PPP2R5D: variants seen among roughly 807,000 people sequenced by gnomAD.
PPP2R5D encodes the protein protein phosphatase 2 regulatory subunit B'delta.
In PPP2R5D, 12 loss-of-function variants were observed where a neutral mutation model predicts 79.1. That is an observed-to-expected ratio of 0.15 (90% CI 0.10 to 0.25). PPP2R5D has a LOEUF of 0.25. Ranked by LOEUF, PPP2R5D falls within the 10% of genes least tolerant of loss-of-function variation. The pLI, the probability that PPP2R5D is intolerant of heterozygous loss-of-function variation, is 1.00. For missense variants in PPP2R5D, 419 were observed against 760.2 expected (o/e 0.55, Z 5.28); for synonymous variants, 277 against 286.6 (o/e 0.97, Z 0.34).
chr6:43,004,051 C>G (rs559489632), intron 2 of PPP2R5D, among the ~76,000 whole-genome samples: 1 of 149,830 alleles, frequency 6.7e-6, no homozygotes, highest in Non-Finnish European at 1.5e-5. Context: ...GAGTCTCGCT[C>G]TGTCGCCCAG....
chr6:42,995,126 C>CTTTTTTTTTTT lies in PPP2R5D; in HGVS notation c.105+5449_105+5459dup, dbSNP rs889250251. ...TTGTGTCCCACCGAACTTTTTCTTT[C>CTTTTTTTTTTT]TTTTTTTTTTTTTTTTTTTTTGGAG... On this transcript the variant is annotated intron_variant, in intron 2 of 15. Coordinates refer to ENST00000485511, the MANE Select transcript of PPP2R5D (RefSeq NM_006245.4). Among the ~76,000 whole-genome samples, 38 of 106,344 alleles carry CTTTTTTTTTTT rather than the reference C, an allele frequency of 3.6e-4. 2 individuals carry two copies. Among genetic ancestry groups the CTTTTTTTTTTT allele is most frequent in the African/African-American group, 8.7e-4 (21 of 24,060 alleles). The allele number at this position is 106,344 out of a possible 152,430, so 69.8% of individuals were successfully genotyped here. A position where few individuals can be genotyped will look rare whatever the true frequency, so the allele number is the denominator to read the frequency against.
intron 2 of PPP2R5D, among the ~76,000 whole-genome samples, chr6:42,998,065 T>A (rs1432152392): frequency 1.2e-3 from 44 of 37,754 alleles, no homozygotes; most frequent in African/African-American, 2.5e-3. Context: ...ATATTTTTTT[T>A]TTTTTTTTTT....
chr6:43,011,657 TC>T lies in PPP2R5D; in HGVS notation c.*375del. 1 of 242,002 alleles carries T rather than the reference TC, an allele frequency of 4.1e-6. No homozygotes were observed. The highest frequency in any genetic ancestry group is 8.1e-6 in the Non-Finnish European group (1 of 122,784). 15.0% of individuals were successfully genotyped at this position (242,002 alleles called of 1,614,324 possible). A position where few individuals can be genotyped will look rare whatever the true frequency, so the allele number is the denominator to read the frequency against. ...CATCCTCATTTGAACGCCAGGTATC[TC>T]CCCTCCTCTCTCTCCCCTGCAGAGG... On this transcript the variant is annotated 3_prime_UTR_variant, in exon 16 of 16. Transcript: ENST00000485511.
intron 1 of PPP2R5D, among the ~76,000 whole-genome samples, chr6:42,985,875 T>G (rs569130569): frequency 6.6e-6 from 1 of 151,968 alleles, no homozygotes; most frequent in South Asian, 2.1e-4. Context: ...CCTTCTAGCT[T>G]CAAGCGATTC....
At chr6:42,988,493 G>A (rs1331698537) in intron 1 of PPP2R5D, among the ~76,000 whole-genome samples, 1 of 152,178 alleles carries the variant, frequency 6.6e-6, no homozygotes, top group Admixed American at 6.5e-5. Flanking sequence ...GGTCCATATG[G>A]ACAAGTTGCA....
At chr6:43,000,743 C>CTAA (rs1772123997) in intron 2 of PPP2R5D, among the ~76,000 whole-genome samples, 1 of 152,204 alleles carries the variant, frequency 6.6e-6, no homozygotes, top group African/African-American at 2.4e-5. Context: ...GACTCTGCTC[C>CTAA]TAATGCTGTA....
intron 2 of PPP2R5D, among the ~76,000 whole-genome samples, chr6:43,003,801 C>T (rs913473274): frequency 1.3e-5 from 2 of 152,050 alleles, no homozygotes; most frequent in Non-Finnish European, 2.9e-5. Flanking sequence ...GTGGCGTGAT[C>T]TCGGCTCACT....
At chr6:42,992,884 G>A (rs1195454514) in intron 2 of PPP2R5D, among the ~76,000 whole-genome samples, 1 of 152,110 alleles carries the variant, frequency 6.6e-6, no homozygotes, top group African/African-American at 2.4e-5. Context: ...AAATAGGCTG[G>A]GTGCGGTGGC....
At chr6:42,990,857 A>G (rs935241845) in intron 2 of PPP2R5D, among the ~76,000 whole-genome samples, 1 of 151,498 alleles carries the variant, frequency 6.6e-6, no homozygotes, top group African/African-American at 2.4e-5. Flanking sequence ...TTACAGGCGC[A>G]TGCCACCATG....
Position 43,009,268 on chromosome 6 carries a change from CTG to C in PPP2R5D, c.1251+42_1251+43del. On this transcript the variant is annotated intron_variant, in intron 11 of 15. Transcript: ENST00000485511. This position sits in a 1 kb window ranked among gnomAD's most constrained non-coding sequence, Gnocchi z 5.6. ...AGCATATCCTAGCCCCTGCCAGAAA[CTG>C]AGGTCTTGAGTGAAATGAGCAGCAC... 7 of 1,614,002 alleles carry C rather than the reference CTG, an allele frequency of 4.3e-6. No homozygotes were observed. The highest frequency in any genetic ancestry group is 1.1e-5 in the South Asian group (1 of 91,072).
chr6:42,993,245 C>T (rs551457909), intron 2 of PPP2R5D, among the ~76,000 whole-genome samples: 2 of 150,466 alleles, frequency 1.3e-5, no homozygotes, highest in South Asian at 2.1e-4. Flanking sequence ...TGCAGTGAGC[C>T]GATATTGCAC....
Position 43,010,739 on chromosome 6 carries a change from G to A in PPP2R5D, c.1554+3G>A. On this transcript the variant is annotated splice_donor_region_variant and intron_variant, in intron 14 of 15. Coordinates refer to ENST00000485511, the MANE Select transcript of PPP2R5D (RefSeq NM_006245.4). The surrounding 1 kb of genome is among the most constrained non-coding windows in gnomAD (Gnocchi z 4.7). ...AGCTGGCCCGGCTTAATCCCCAGGT[G>A]AGGTTTTCCTGCCACTGTTGTGAAC... 7 of 1,613,926 alleles carry A rather than the reference G, an allele frequency of 4.3e-6. No individual in the cohort carries two copies. The highest frequency in any genetic ancestry group is 2.2e-5 in the East Asian group (1 of 44,874).
intron 1 of PPP2R5D, among the ~76,000 whole-genome samples, chr6:42,989,008 C>T (rs4714646): frequency 0.13 from 19,960 of 152,204 alleles, 2,193 homozygotes; most frequent in African/African-American, 0.29. Context: ...GTTTTACCCC[C>T]ATCCCTGTCT....
chr6:43,007,114 G>A lies in PPP2R5D; in HGVS notation c.522+4G>A, dbSNP rs1210480507. 2 of 1,614,134 alleles carry A rather than the reference G, an allele frequency of 1.2e-6. No individual in the cohort carries two copies. The highest frequency in any genetic ancestry group is 1.7e-6 in the Non-Finnish European group (2 of 1,180,024). ...TTACCCTGAGGCTGTCACCATGGTG[G>A]GCACAGGGAAAGGACACAGGGGGGA... On this transcript the variant is annotated splice_donor_region_variant and intron_variant, in intron 4 of 15. Transcript: ENST00000485511. The surrounding 1 kb of genome is among the most constrained non-coding windows in gnomAD (Gnocchi z 4.5).
intron 2 of PPP2R5D, among the ~76,000 whole-genome samples, chr6:42,991,619 G>A (rs976806905): frequency 6.6e-6 from 1 of 152,092 alleles, no homozygotes; most frequent in Admixed American, 6.6e-5. Context: ...CTCCTGAAGG[G>A]CCTGACACAG....
In PPP2R5D at chr6:43,006,463, GCCCAGCCGCAGCCCCAGC is replaced by G. The variant is rs761162230; in HGVS notation, c.114_131del (p.Pro42_Gln47del). The G allele has an allele frequency of 1.2e-6, 2 of 1,612,482 alleles. No homozygotes were observed. Among genetic ancestry groups the G allele is most frequent in the South Asian group, 1.1e-5 (1 of 90,958 alleles). On this transcript the variant is annotated inframe_deletion and splice_region_variant, in exon 3 of 16. Transcript: ENST00000485511. The surrounding 1 kb of genome is among the most constrained non-coding windows in gnomAD (Gnocchi z 4.7). ...TTCAACAGGTGACTTGTTTGACCAG[GCCCAGCCGCAGCCCCAGC>G]CCCAGCCCCAGCCCCAAGCCCAGTC...
At chr6:43,003,037 C>T (rs902136312) in intron 2 of PPP2R5D, among the ~76,000 whole-genome samples, 3 of 152,202 alleles carry the variant, frequency 2.0e-5, no homozygotes, top group Admixed American at 2.0e-4. Flanking sequence ...TACCTGTGGG[C>T]AGACAGCCCT....
Position 43,007,024 on chromosome 6 carries a change from C to A in PPP2R5D, c.436C>A (p.Arg146=), listed in dbSNP as rs749823436. 3 of 1,614,112 alleles carry A rather than the reference C, an allele frequency of 1.9e-6. No homozygotes were observed. Among genetic ancestry groups the A allele is most frequent in the Non-Finnish European group, 2.5e-6 (3 of 1,180,022 alleles). ...TGACCTCAAATTCAAGGAGGTGAAG[C>A]GGGCAGGACTCAACGAGATGGTGGA... ...LSDLKFKEVK[R]AGLNEMVEYI... Residue 146 remains arginine (R), a synonymous_variant, in exon 4 of 16, where the codon CGG becomes AGG. Transcript: ENST00000485511. The surrounding 1 kb of genome is among the most constrained non-coding windows in gnomAD (Gnocchi z 4.5).
At position 42,989,621 on chromosome 6, in the gene PPP2R5D, A is replaced by G. The variant is rs144675117; in HGVS notation, c.38A>G (p.Lys13Arg). 1.9e-6 allele frequency: 3 copies of G among 1,613,574 alleles called. No individual in the cohort carries two copies. Among genetic ancestry groups the G allele is most frequent in the East Asian group, 2.2e-5 (1 of 44,898 alleles). Residue 13 changes from lysine to arginine, a missense_variant, in exon 2 of 16, where the codon AAG becomes AGG. Physicochemically the swap from Lys to Arg is conservative, Grantham distance 26. This residue lies in a region of PPP2R5D where 110 missense variants were observed against 147.6 expected (regional missense o/e 0.75). Transcript: ENST00000485511. ...YKLKKEKEPP[K>R]VAKCTAKPSS... ...ATCTTTTCCTTTCAGGAGCCCCCCA[A>G]GGTTGCCAAATGCACAGCCAAGCCT... is the stretch of plus-strand genomic sequence containing the variant.
Sources: allele counts gnomAD v4.1 joint callset (sites outside exome capture counted in the v4.1 genomes callset), GRCh38; gene constraint gnomAD v4.1.1; regional missense constraint gnomAD v4.1.1; non-coding constraint Gnocchi (gnomAD v3.1); transcripts MANE v1.5; gene names NCBI Gene and HGNC (gene_info 2026-07-23, HGNC 2026-07-21).